Variants in SPIRE2 observed in about 807,000 individuals in gnomAD.
SPIRE2 encodes protein spire homolog 2.
A neutral mutation model predicts 80.7 loss-of-function variants in SPIRE2; 76 were observed. That is an observed-to-expected ratio of 0.94 (90% CI 0.78 to 1.14). SPIRE2 has a LOEUF of 1.14. Ranked by LOEUF, SPIRE2 falls within the 50% of genes most tolerant of loss-of-function variation. The pLI, the probability that SPIRE2 is intolerant of heterozygous loss-of-function variation, is 0.00. For synonymous variants in SPIRE2, 535 were observed against 432.6 expected (o/e 1.24, Z -2.94); for missense variants, 1,196 against 1,015.3 (o/e 1.18, Z -2.42).
At chr16:89,864,313 C>G (rs1307891506) in intron 12 of SPIRE2, among the ~76,000 whole-genome samples, 2 of 151,994 alleles carry the variant, frequency 1.3e-5, no homozygotes, top group Non-Finnish European at 1.5e-5. Context: ...GTGTAGAACT[C>G]CAGAGGAGAG....
At chr16:89,856,948 C>T (rs1303345819) in intron 7 of SPIRE2, among the ~76,000 whole-genome samples, 2 of 151,440 alleles carry the variant, frequency 1.3e-5, no homozygotes, top group East Asian at 2.0e-4. Flanking sequence ...TGGCTGTAAT[C>T]CCAGGTGCTC....
chr16:89,831,399 C>CTTT (rs59083711), intron 1 of SPIRE2, among the ~76,000 whole-genome samples: 11 of 131,894 alleles, frequency 8.3e-5, no homozygotes, highest in African/African-American at 1.4e-4. Flanking sequence ...TTCTTTCTTT[C>CTTT]TTTTTTTTTT....
At chr16:89,864,581 G>A (rs566089547) in intron 12 of SPIRE2, among the ~76,000 whole-genome samples, 31 of 152,292 alleles carry the variant, frequency 2.0e-4, no homozygotes, top group African/African-American at 5.1e-4. Context: ...CTGAAGGGAC[G>A]GTGCTCAGGG....
At position 89,870,055 on chromosome 16, in the gene SPIRE2, T is replaced by A. The variant is rs748952252; in HGVS notation, c.1928T>A (p.Leu643Gln). Reference protein sequence around the residue: ...PIQRRDIFQSLQGPQWQSVEE... With the variant: ...PIQRRDIFQSQQGPQWQSVEE... Reference sequence around the variant, plus strand: ...TGCCCTCTCCCACTTCCCAGGTCTCTGCAAGGGCCACAGTGGCAGAGCGTG... The same window carrying A: ...TGCCCTCTCCCACTTCCCAGGTCTCAGCAAGGGCCACAGTGGCAGAGCGTG... Residue 643 changes from leucine to glutamine, a missense_variant, in exon 15 of 15, where the codon CTG (leucine) becomes CAG (glutamine). Leu to Gln is a moderately radical substitution (Grantham distance 113). Coordinates refer to ENST00000378247, the MANE Select transcript of SPIRE2 (RefSeq NM_032451.2). 8 of 1,612,124 alleles carry A rather than the reference T, an allele frequency of 5.0e-6. No individual in the cohort carries two copies. The Admixed American group carries it at 1.3e-4, about 27-fold the overall frequency.
At position 89,828,607 on chromosome 16, in the gene SPIRE2, C is replaced by T. The variant is rs1338926139; in HGVS notation, c.57C>T (p.Pro19=). The change falls in exon 1 of 15, where the codon CCC becomes CCT. Residue 19 remains proline, a synonymous_variant. Transcript: ENST00000378247. This position sits in a 1 kb window ranked among gnomAD's most constrained non-coding sequence, Gnocchi z 5.9. ...CGGCGGGCGCAGGGCGGCCGGAGCC[C>T]TGGGAGCTGTCCCTGGAGGAGGTGC... ...GAAAGAGRPE[P]WELSLEEVLK... is the part of the protein sequence containing the mutation. 5 of 1,281,280 alleles carry T rather than the reference C, an allele frequency of 3.9e-6. No individual in the cohort carries two copies. Among genetic ancestry groups the T allele is most frequent in the Admixed American group, 2.9e-5 (1 of 34,138 alleles). 79.4% of individuals were successfully genotyped at this position (1,281,280 alleles called of 1,614,324 possible). A position where few individuals can be genotyped will look rare whatever the true frequency, so the allele number is the denominator to read the frequency against.
intron 1 of SPIRE2, among the ~76,000 whole-genome samples, chr16:89,842,117 C>T (rs1220030951): frequency 6.6e-6 from 1 of 152,058 alleles, no homozygotes; most frequent in African/African-American, 2.4e-5. Flanking sequence ...TCTGTCGGCC[C>T]CCAAGTCTCC....
Position 89,859,389 on chromosome 16 carries a change from GC to G in SPIRE2, c.1462+40del, listed in dbSNP as rs756565737. ...GCTTCTCACCCCCGTACCCTCCTTC[GC>G]CCCCACCCCGATCCATCCTGTGGGC... is the stretch of plus-strand genomic sequence containing the variant. On this transcript the variant is annotated intron_variant, in intron 9 of 14. Transcript: ENST00000378247. 12 of 1,338,862 alleles carry G rather than the reference GC, an allele frequency of 9.0e-6. No homozygotes were observed. The East Asian group carries it at 2.8e-4, about 31-fold the overall frequency. 82.9% of individuals were successfully genotyped at this position (1,338,862 alleles called of 1,614,324 possible). A position where few individuals can be genotyped will look rare whatever the true frequency, so the allele number is the denominator to read the frequency against.
intron 14 of SPIRE2, 83 bp from the exon 15 acceptor site, chr16:89,869,967 G>C (rs769674698): frequency 5.7e-6 from 7 of 1,223,874 alleles, no homozygotes; most frequent in Non-Finnish European, 8.1e-6. Context: ...CAGCCAGGAG[G>C]GGGCTGTGGC....
intron 2 of SPIRE2, among the ~76,000 whole-genome samples, chr16:89,847,785 AG>A (rs1455646234): frequency 6.6e-6 from 1 of 152,232 alleles, no homozygotes; most frequent in Non-Finnish European, 1.5e-5. Context: ...CTTATGGGAA[AG>A]CAAGTTTTTT....
At chr16:89,849,300 G>A (rs896422235) in intron 2 of SPIRE2, among the ~76,000 whole-genome samples, 1 of 152,234 alleles carries the variant, frequency 6.6e-6, no homozygotes, top group Non-Finnish European at 1.5e-5. Context: ...ATGAGCAGCC[G>A]CCCGTCCTGA....
chr16:89,860,840 C>A (rs1451960129), intron 10 of SPIRE2, 45 bp downstream of exon 10: 1 of 1,251,524 alleles, frequency 8.0e-7, no homozygotes, highest in Non-Finnish European at 1.1e-6. Context: ...CAGGGGGCGT[C>A]TTTGCACCCA....
rs922274369 is a variant in SPIRE2 at position 89,855,854 on chromosome 16, C to T, written c.978+168C>T. The T allele has an allele frequency of 8.9e-6, 8 of 897,322 alleles. No homozygotes were observed. The African/African-American group carries it at 1.3e-4, about 15-fold the overall frequency. 55.6% of individuals were successfully genotyped at this position (897,322 alleles called of 1,614,324 possible). On this transcript the variant is annotated intron_variant, in intron 6 of 14. Transcript: ENST00000378247. ...TGGCTTCCTCTTGCCTGTGTGCCAG[C>T]CCGGGGCTGTGTGGCCCTGGGCCCT...
chr16:89,841,761 G>A (rs1449376864), intron 1 of SPIRE2, among the ~76,000 whole-genome samples: 1 of 151,242 alleles, frequency 6.6e-6, no homozygotes, highest in Non-Finnish European at 1.5e-5. Flanking sequence ...GCAGTGGCAC[G>A]ATCTCGGCTC....
chr16:89,849,394 G>C (rs2041599185), intron 2 of SPIRE2, among the ~76,000 whole-genome samples: 1 of 152,268 alleles, frequency 6.6e-6, no homozygotes, highest in South Asian at 2.1e-4. Context: ...TGTGGCTCGA[G>C]GTGAGGTTGG....
rs751843947 is a variant in SPIRE2, at chr16:89,854,541, A to C, written c.781A>C (p.Lys261Gln). The change falls in exon 5 of 15, where the codon AAG becomes CAG. Residue 261 changes from lysine to glutamine, a missense_variant. Lys to Gln is a moderately conservative substitution (Grantham distance 53). Coordinates refer to ENST00000378247, the MANE Select transcript of SPIRE2 (RefSeq NM_032451.2). ...GCTCCGCCGCGGAGTGAAGCTGAAG[A>C]AGGTGCAAGAGCAGGAGTTCAACCC... is the stretch of plus-strand genomic sequence containing the variant. Reference protein sequence around the residue: ...RELRRGVKLKKVQEQEFNPLP... With the variant: ...RELRRGVKLKQVQEQEFNPLP... The C allele has an allele frequency of 6.2e-7, 1 of 1,612,622 alleles. No individual in the cohort carries two copies. The highest frequency in any genetic ancestry group is 1.3e-5 in the African/African-American group (1 of 74,936).
At chr16:89,853,656 G>A (rs900226705) in intron 3 of SPIRE2, among the ~76,000 whole-genome samples, 1 of 152,090 alleles carries the variant, frequency 6.6e-6, no homozygotes, top group Admixed American at 6.6e-5. Context: ...CAAAGGGTAG[G>A]TGCTTCTCTA....
At chr16:89,855,815 C>T (rs1597219767) in intron 6 of SPIRE2, 129 bp downstream of exon 6, 26 of 982,688 alleles carry the variant, frequency 2.6e-5, no homozygotes, top group Middle Eastern at 2.8e-4. Flanking sequence ...GTCTGCGTCA[C>T]GGGTGAGGCG....
intron 10 of SPIRE2, among the ~76,000 whole-genome samples, chr16:89,861,077 C>G (rs1048529791): frequency 1.3e-5 from 2 of 152,164 alleles, no homozygotes; most frequent in South Asian, 2.1e-4. Flanking sequence ...TTAGGGCAGA[C>G]GGTGAACCTG....
intron 14 of SPIRE2, 73 bp downstream of exon 14, chr16:89,869,755 A>T (rs1243875136): frequency 1.7e-6 from 2 of 1,194,342 alleles, no homozygotes; most frequent in African/African-American, 1.5e-5. Flanking sequence ...GCTGGGGTGG[A>T]GGGGGCTGGC....
Sources: gnomAD v4.1 joint callset for allele counts (sites outside exome capture counted in the v4.1 genomes callset) on GRCh38, gnomAD v4.1.1 for gene constraint, Gnocchi (gnomAD v3.1) non-coding constraint, MANE v1.5 for transcripts, NCBI Gene and HGNC (gene_info 2026-07-23, HGNC 2026-07-21) for gene names.